CHCHD3: variants seen among roughly 807,000 people sequenced by gnomAD.
CHCHD3 encodes coiled-coil-helix-coiled-coil-helix domain containing 3.
In CHCHD3, 20 loss-of-function variants were observed where a neutral mutation model predicts 38.2. The ratio of observed to expected loss-of-function variants is 0.52; its 90% CI spans 0.37 to 0.76. CHCHD3 has a LOEUF of 0.76. Ranked by LOEUF, CHCHD3 falls within the 30% of genes least tolerant of loss-of-function variation. CHCHD3 has a pLI of 0.00. For missense variants in CHCHD3, 245 were observed against 279.2 expected (o/e 0.88, Z 0.87); for synonymous variants, 82 against 100.0 (o/e 0.82, Z 1.07).
At chr7:133,074,715 A>G (rs1000395334) in intron 1 of CHCHD3, among the ~76,000 whole-genome samples, 37 of 152,166 alleles carry the variant, frequency 2.4e-4, no homozygotes, top group African/African-American at 8.4e-4. Flanking sequence ...TAGAATCTTA[A>G]AGCTATTTTA....
At chr7:132,966,832 T>G (rs897046321) in intron 4 of CHCHD3, among the ~76,000 whole-genome samples, 1 of 152,230 alleles carries the variant, frequency 6.6e-6, no homozygotes, top group African/African-American at 2.4e-5. Context: ...ACTTTTAATT[T>G]GTTGCAGGTT....
chr7:132,884,725 C>T (rs1809160600), intron 5 of CHCHD3, among the ~76,000 whole-genome samples: 1 of 152,108 alleles, frequency 6.6e-6, no homozygotes, highest in Non-Finnish European at 1.5e-5. Context: ...ATCTAGATAA[C>T]CAATCTACTT....
intron 5 of CHCHD3, among the ~76,000 whole-genome samples, chr7:132,877,854 C>T (rs1018528787): frequency 2.8e-4 from 42 of 152,102 alleles, no homozygotes; most frequent in African/African-American, 9.7e-4. Flanking sequence ...TCTAGGTTGA[C>T]AAGTGCAAAC....
At chr7:132,903,991 G>A (rs1040182465) in intron 4 of CHCHD3, among the ~76,000 whole-genome samples, 1 of 152,176 alleles carries the variant, frequency 6.6e-6, no homozygotes, top group African/African-American at 2.4e-5. Context: ...CAGGCATGGT[G>A]GCTCATGCCT....
chr7:132,973,321 C>A (rs1811659717), intron 4 of CHCHD3: 1 of 985,450 alleles, frequency 1.0e-6, no homozygotes, highest in Non-Finnish European at 1.2e-6. Flanking sequence ...ACCTCCTCCA[C>A]TACATCCTTA....
rs144868667 is a variant in CHCHD3 at position 132,872,295 on chromosome 7, G to A, written c.453+13367C>T. Among the ~76,000 whole-genome samples the A allele has an allele frequency of 3.0e-3, 453 of 152,312 alleles. 1 individual carries two copies. The highest frequency in any genetic ancestry group is 0.01 in the African/African-American group (434 of 41,554). On this transcript the variant is annotated intron_variant, in intron 5 of 7. Coordinates refer to ENST00000262570, the MANE Select transcript of CHCHD3 (RefSeq NM_017812.4). ...GTGACTAAACCTAAATTTGCAGGAA[G>A]TTATGCCCCAGGATTCCACAGGTAC...
intron 6 of CHCHD3, among the ~76,000 whole-genome samples, chr7:132,811,712 T>C (rs959449496): frequency 2.0e-5 from 3 of 152,224 alleles, no homozygotes; most frequent in African/African-American, 4.8e-5. Context: ...TGCCCCTTTC[T>C]TGAAAAGAGT....
At chr7:132,820,885 T>C (rs1431646715) in intron 6 of CHCHD3, among the ~76,000 whole-genome samples, 1 of 152,216 alleles carries the variant, frequency 6.6e-6, no homozygotes, top group African/African-American at 2.4e-5. Context: ...GACAAGGTTT[T>C]AGGTGAGAAC....
intron 2 of CHCHD3, among the ~76,000 whole-genome samples, chr7:133,061,928 C>T (rs10249829): frequency 0.39 from 58,537 of 151,800 alleles, 11,496 homozygotes; most frequent in East Asian, 0.55. Flanking sequence ...TGTCAAGTAG[C>T]CCTGGGGGCA....
At chr7:132,850,535 C>T (rs984022742) in intron 5 of CHCHD3, among the ~76,000 whole-genome samples, 1 of 149,768 alleles carries the variant, frequency 6.7e-6, no homozygotes, top group Non-Finnish European at 1.5e-5. Context: ...ACAAGGAAAA[C>T]CTTAGTTACA....
At chr7:132,884,807 G>A (rs1373050683) in intron 5 of CHCHD3, among the ~76,000 whole-genome samples, 1 of 152,108 alleles carries the variant, frequency 6.6e-6, no homozygotes, top group African/African-American at 2.4e-5. Context: ...GTCCATCTCT[G>A]TCCAATTCTA....
intron 2 of CHCHD3, among the ~76,000 whole-genome samples, chr7:133,037,802 A>C (rs1813721284): frequency 6.6e-6 from 1 of 152,192 alleles, no homozygotes; most frequent in South Asian, 2.1e-4. Context: ...ACAGAGCGAG[A>C]GACTGTCTCA....
intron 6 of CHCHD3, among the ~76,000 whole-genome samples, chr7:132,833,400 C>T (rs1037442807): frequency 2.6e-5 from 4 of 152,126 alleles, no homozygotes; most frequent in East Asian, 1.9e-4. Flanking sequence ...AAATTATCTT[C>T]GAATCCCTTA....
intron 3 of CHCHD3, among the ~76,000 whole-genome samples, chr7:133,001,907 C>T (rs900212872): frequency 5.9e-5 from 9 of 152,246 alleles, no homozygotes; most frequent in Admixed American, 1.3e-4. Context: ...AGAACTGTAC[C>T]TGGAATGAAC....
intron 7 of CHCHD3, among the ~76,000 whole-genome samples, chr7:132,791,848 AT>A (rs572874566): frequency 4.6e-5 from 7 of 152,262 alleles, no homozygotes; most frequent in South Asian, 2.1e-4. Context: ...ATCTAGCCTC[AT>A]TTACTGGGTC....
chr7:133,034,951 A>G (rs1256196533), intron 2 of CHCHD3: 1 of 1,601,604 alleles, frequency 6.2e-7, no homozygotes, highest in Admixed American at 1.7e-5. Context: ...CGATACTCTG[A>G]GTACCACAGG....
At chr7:132,995,642 C>A (rs1015018216) in intron 3 of CHCHD3, among the ~76,000 whole-genome samples, 8 of 152,184 alleles carry the variant, frequency 5.3e-5, no homozygotes, top group African/African-American at 1.9e-4. Flanking sequence ...TGTGAAGCTG[C>A]GGAATTGGCC....
intron 5 of CHCHD3, among the ~76,000 whole-genome samples, chr7:132,870,266 C>T (rs979802560): frequency 6.0e-5 from 9 of 149,522 alleles, no homozygotes; most frequent in Admixed American, 2.0e-4. Context: ...GGGAGGATTG[C>T]TTGAGCCTGG....
At chr7:132,883,480 T>C (rs1450701503) in intron 5 of CHCHD3, among the ~76,000 whole-genome samples, 1 of 152,012 alleles carries the variant, frequency 6.6e-6, no homozygotes, top group Admixed American at 6.6e-5. Flanking sequence ...TAAATCAGAG[T>C]TCTGCCCACT....
Sources: allele counts gnomAD v4.1 joint callset (sites outside exome capture counted in the v4.1 genomes callset), GRCh38; gene constraint gnomAD v4.1.1; transcripts MANE v1.5; gene names NCBI Gene and HGNC (gene_info 2026-07-23, HGNC 2026-07-21).